The following MCC variants were observed in gnomAD, a reference collection of about 807,000 sequenced individuals.
The protein encoded by MCC is MCC regulator of Wnt signaling pathway, also known as colorectal mutant cancer protein.
In MCC, 90 loss-of-function variants were observed where a neutral mutation model predicts 116.2. The observed-to-expected ratio is 0.77, with a 90% CI of 0.65 to 0.92. The LOEUF (loss-of-function observed/expected upper bound fraction) is 0.92, where lower values mean the gene tolerates loss of function less well. Among genes scored for constraint, MCC ranks in the 40% least tolerant of loss-of-function variants. MCC has a pLI of 0.00. For synonymous variants in MCC, 578 were observed against 510.5 expected (o/e 1.13, Z -1.78); for missense variants, 1,516 against 1,312.2 (o/e 1.16, Z -2.40).
chr5:113,172,448 T>C (rs1036012597), intron 3 of MCC, among the ~76,000 whole-genome samples: 1 of 149,826 alleles, frequency 6.7e-6, no homozygotes, highest in African/African-American at 2.4e-5. Context: ...CCTATAGCTT[T>C]ACAGCTGAAA....
intron 12 of MCC, among the ~76,000 whole-genome samples, chr5:113,069,079 GAA>G (rs1237565738): frequency 1.3e-5 from 2 of 152,184 alleles, no homozygotes; most frequent in Admixed American, 6.5e-5. Context: ...TAAATAAAAT[GAA>G]AAAGTCCATT....
chr5:113,252,052 G>A (rs868603072), intron 3 of MCC, among the ~76,000 whole-genome samples: 1 of 152,126 alleles, frequency 6.6e-6, no homozygotes, highest in Non-Finnish European at 1.5e-5. Flanking sequence ...TCAACAGAGA[G>A]TCCTGCTTTC....
At position 113,022,661 on chromosome 5, in the gene MCC, A is replaced by C. The variant is rs1750228022; in HGVS notation, c.*4641T>G. ...ACAAACAGAACATTTTTCCACATGAATTTGACTTGCAAAAAGTGCAAAAGG... is the reference window on the plus strand; with the variant it reads ...ACAAACAGAACATTTTTCCACATGACTTTGACTTGCAAAAAGTGCAAAAGG... On this transcript the variant is annotated 3_prime_UTR_variant, in exon 19 of 19. Coordinates refer to ENST00000408903, the MANE Select transcript of MCC (RefSeq NM_001085377.2). The C allele has an allele frequency of 6.6e-6, 1 of 152,256 alleles. No individual in the cohort carries two copies. Among genetic ancestry groups the C allele is most frequent in the African/African-American group, 2.4e-5 (1 of 41,474 alleles). The allele number at this position is 152,256 out of a possible 1,614,324, so 9.4% of individuals were successfully genotyped here. A position where few individuals can be genotyped will look rare whatever the true frequency, so the allele number is the denominator to read the frequency against.
At chr5:113,241,189 C>T (rs1050202033) in intron 3 of MCC, among the ~76,000 whole-genome samples, 5 of 152,208 alleles carry the variant, frequency 3.3e-5, no homozygotes, top group Admixed American at 1.3e-4. Context: ...AGGAGTATAA[C>T]GTAGGCTTCT....
At chr5:113,316,268 AAAAG>A (rs953579589) in intron 3 of MCC, among the ~76,000 whole-genome samples, 2 of 151,916 alleles carry the variant, frequency 1.3e-5, no homozygotes, top group South Asian at 2.1e-4. Context: ...AAAAAAAAAA[AAAAG>A]AAAGAGATAT....
intron 3 of MCC, among the ~76,000 whole-genome samples, chr5:113,329,489 T>TATATACGTATACACACAC (rs1456085541): frequency 8.6e-3 from 659 of 76,640 alleles, no homozygotes; most frequent in Non-Finnish European, 0.013. Flanking sequence ...TACACACACA[T>TATATACGTATACACACAC]ATATAAACAC....
intron 2 of MCC, among the ~76,000 whole-genome samples, chr5:113,343,813 T>A (rs1334864493): frequency 6.6e-6 from 1 of 152,244 alleles, no homozygotes; most frequent in Non-Finnish European, 1.5e-5. Flanking sequence ...TTTTTCTTTA[T>A]GCAAACATGA....
chr5:113,108,201 C>G (rs1013183380), intron 6 of MCC, among the ~76,000 whole-genome samples: 6 of 151,382 alleles, frequency 4.0e-5, no homozygotes, highest in African/African-American at 1.5e-4. Flanking sequence ...AAAAATTAGC[C>G]AGGTGTGGTG....
chr5:113,316,449 C>G (rs530671653), intron 3 of MCC, among the ~76,000 whole-genome samples: 2 of 152,256 alleles, frequency 1.3e-5, no homozygotes, highest in East Asian at 3.9e-4. Context: ...AGCACAGCCA[C>G]TACCCATGTC....
intron 3 of MCC, among the ~76,000 whole-genome samples, chr5:113,154,528 T>G (rs1385677083): frequency 1.3e-5 from 2 of 152,224 alleles, no homozygotes; most frequent in African/African-American, 2.4e-5. Flanking sequence ...CTCTGTGCGT[T>G]TGAGTTCAGT....
chr5:113,297,345 T>C (rs998524268), intron 3 of MCC, among the ~76,000 whole-genome samples: 1 of 151,812 alleles, frequency 6.6e-6, no homozygotes, highest in Non-Finnish European at 1.5e-5. Flanking sequence ...TCTACTAGGA[T>C]CATGAGGTCA....
In MCC at chr5:113,450,822, T is replaced by C. The variant is rs553498786; in HGVS notation, c.170+37423A>G. Among the ~76,000 whole-genome samples, 13 of 152,318 alleles carry C rather than the reference T, an allele frequency of 8.5e-5. No homozygotes were observed. The South Asian group carries it at 2.3e-3, about 27-fold the overall frequency. On this transcript the variant is annotated intron_variant, in intron 1 of 18. Coordinates refer to ENST00000408903, the MANE Select transcript of MCC (RefSeq NM_001085377.2). Reference sequence around the variant, plus strand: ...TTCAGTAAGGTCTCCAGAAGGCAACTTCTTGAAATGCTATTACAAAGCATT... The same window carrying C: ...TTCAGTAAGGTCTCCAGAAGGCAACCTCTTGAAATGCTATTACAAAGCATT...
intron 1 of MCC, among the ~76,000 whole-genome samples, chr5:113,443,906 C>G (rs932631732): frequency 6.6e-6 from 1 of 152,112 alleles, no homozygotes; most frequent in African/African-American, 2.4e-5. Context: ...TCACTGCAAC[C>G]TCCACCTCCT....
At chr5:113,421,799 T>C (rs1770344696) in intron 1 of MCC, among the ~76,000 whole-genome samples, 1 of 152,152 alleles carries the variant, frequency 6.6e-6, no homozygotes, top group Admixed American at 6.5e-5. Context: ...TTAATTTCTA[T>C]TTTCACTCAA....
intron 2 of MCC, among the ~76,000 whole-genome samples, chr5:113,345,263 T>C (rs991133071): frequency 1.3e-5 from 2 of 151,730 alleles, no homozygotes; most frequent in Non-Finnish European, 2.9e-5. Flanking sequence ...ACCAGGTAGA[T>C]TTTACGTTTT....
chr5:113,099,254 A>G (rs1369844241), intron 8 of MCC, among the ~76,000 whole-genome samples: 1 of 152,258 alleles, frequency 6.6e-6, no homozygotes, highest in African/African-American at 2.4e-5. Flanking sequence ...AAAATTATAC[A>G]AAACTATACT....
chr5:113,189,756 A>C (rs1257839433), intron 3 of MCC, among the ~76,000 whole-genome samples: 1 of 152,242 alleles, frequency 6.6e-6, no homozygotes, highest in Non-Finnish European at 1.5e-5. Flanking sequence ...GAAGTAGGTT[A>C]AATTTAAGGA....
intron 1 of MCC, among the ~76,000 whole-genome samples, chr5:113,424,286 T>A (rs907744372): frequency 1.3e-5 from 2 of 149,262 alleles, no homozygotes; most frequent in Non-Finnish European, 3.0e-5. Flanking sequence ...ACAAAAAAAA[T>A]TAAAAATATA....
rs565385976 is a variant in MCC at position 113,437,242 on chromosome 5, G to A, written c.170+51003C>T. Reference sequence around the variant, plus strand: ...AAGGCAATAGGGAAAGATAAGCAGAGGCAAATGCAAGAGAGAGCAGGGAAG... The same window carrying A: ...AAGGCAATAGGGAAAGATAAGCAGAAGCAAATGCAAGAGAGAGCAGGGAAG... On this transcript the variant is annotated intron_variant, in intron 1 of 18. Coordinates refer to ENST00000408903, the MANE Select transcript of MCC (RefSeq NM_001085377.2). The A allele has an allele frequency of 2.6e-5, 4 of 152,292 alleles. No individual in the cohort carries two copies. The East Asian group carries it at 7.7e-4, about 29-fold the overall frequency. 9.4% of individuals were successfully genotyped at this position (152,292 alleles called of 1,614,324 possible).
Sources: allele counts gnomAD v4.1 joint callset (sites outside exome capture counted in the v4.1 genomes callset), GRCh38; gene constraint gnomAD v4.1.1; transcripts MANE v1.5; gene names NCBI Gene and HGNC (gene_info 2026-07-23, HGNC 2026-07-21).